Variants in ATCAY observed in about 807,000 individuals in gnomAD.
The protein encoded by ATCAY is caytaxin.
ATCAY carries 22 observed loss-of-function variants against 47.7 expected under a neutral mutation model. That is an observed-to-expected ratio of 0.46 (90% CI 0.33 to 0.66). The LOEUF (loss-of-function observed/expected upper bound fraction) is 0.66. Ranked by LOEUF, ATCAY falls within the 30% of genes least tolerant of loss-of-function variation. ATCAY has a pLI of 0.02. For missense variants in ATCAY, 452 were observed against 515.0 expected, an observed-to-expected ratio of 0.88 and a Z score of 1.18; for synonymous variants, 216 against 207.6, an observed-to-expected ratio of 1.04 and a Z score of -0.35.
chr19:3,913,671 C>A, intron 8 of ATCAY, 87 bp from the exon 9 acceptor site: 1 of 972,626 alleles, frequency 1.0e-6, no homozygotes, highest in Non-Finnish European at 1.6e-6. Context: ...CTGTGGGGAT[C>A]CCTGTCGCCA....
chr19:3,917,446 T>C (rs576120986), intron 9 of ATCAY, among the ~76,000 whole-genome samples: 2 of 151,252 alleles, frequency 1.3e-5, no homozygotes, highest in Admixed American at 1.3e-4. Flanking sequence ...TAGCTGGGCG[T>C]GGTAGCAGGT....
intron 3 of ATCAY, 147 bp downstream of exon 3, chr19:3,902,692 G>A: frequency 1.1e-6 from 1 of 884,362 alleles, no homozygotes; most frequent in African/African-American, 1.7e-5. Context: ...AAGTGGCCGT[G>A]GTGGGTGAGA....
intron 3 of ATCAY, among the ~76,000 whole-genome samples, chr19:3,902,906 T>G (rs115705467): frequency 0.022 from 3,312 of 152,258 alleles, 141 homozygotes; most frequent in African/African-American, 0.076. Flanking sequence ...AAGGGTGCAC[T>G]GGGAGGCTCT....
At chr19:3,894,638 A>C (rs1364720394) in intron 2 of ATCAY, among the ~76,000 whole-genome samples, 1 of 150,748 alleles carries the variant, frequency 6.6e-6, no homozygotes, top group Non-Finnish European at 1.5e-5. Context: ...AAAAAAAAAA[A>C]AAAAAAAACT....
chr19:3,923,828 G>A (rs1404114985), intron 12 of ATCAY, among the ~76,000 whole-genome samples: 2 of 135,984 alleles, frequency 1.5e-5, no homozygotes, highest in South Asian at 2.6e-4. Context: ...GAATGGATGG[G>A]TGGGTGGGTG....
rs1403885439 is a variant in ATCAY, at chr19:3,918,853, C to G, written c.1049C>G (p.Pro350Arg). The G allele has an allele frequency of 6.2e-7, 1 of 1,613,992 alleles. No individual in the cohort carries two copies. ...EFVLPRSEEK[P>R]EVAPVENRSA... is the part of the protein sequence containing the mutation. The stretch of plus-strand genomic sequence containing the variant: ...GTGCTGCCCAGGTCTGAAGAGAAGC[C>G]AGAGGTGGCACCAGTGGAAAACAGG... Residue 350 changes from proline to arginine, a missense_variant, in exon 11 of 13, where the codon CCA becomes CGA. By Grantham distance (103) the Pro-to-Arg change is moderately radical. Coordinates refer to ENST00000450849, the MANE Select transcript of ATCAY (RefSeq NM_033064.5).
Position 3,925,951 on chromosome 19 carries a change from G to A in ATCAY, c.*1359G>A, listed in dbSNP as rs1182006097. 2.0e-5 allele frequency: 3 copies of A among 152,126 alleles called. No homozygotes were observed. Among genetic ancestry groups the A allele is most frequent in the Non-Finnish European group, 4.4e-5 (3 of 68,084 alleles). 9.4% of individuals were successfully genotyped at this position (152,126 alleles called of 1,614,324 possible). A position where few individuals can be genotyped will look rare whatever the true frequency, so the allele number is the denominator to read the frequency against. On this transcript the variant is annotated 3_prime_UTR_variant, in exon 13 of 13. Transcript: ENST00000450849. The surrounding 1 kb of genome is among the most constrained non-coding windows in gnomAD (Gnocchi z 4.4). The stretch of plus-strand genomic sequence containing the variant: ...AAACCTGAGAGGCAGAGGTTACAGT[G>A]AGCCAAGATCGTGCCACTGCATTCC...
intron 8 of ATCAY, among the ~76,000 whole-genome samples, chr19:3,912,194 C>T (rs1418000185): frequency 2.6e-5 from 4 of 152,116 alleles, no homozygotes; most frequent in African/African-American, 9.7e-5. Flanking sequence ...CACTCTTCAC[C>T]GGTCGCCATG....
intron 1 of ATCAY, 141 bp from the exon 2 acceptor site, chr19:3,885,586 G>A (rs1283605679): frequency 1.8e-5 from 10 of 562,804 alleles, no homozygotes; most frequent in Middle Eastern, 4.7e-4. Flanking sequence ...AAGGAGAGAG[G>A]AGAGGAGAAA....
At chr19:3,881,353 C>A (rs996489901) in intron 1 of ATCAY, among the ~76,000 whole-genome samples, 7 of 144,366 alleles carry the variant, frequency 4.8e-5, no homozygotes, top group African/African-American at 1.8e-4. Context: ...CTATTTATAA[C>A]GCTAGGAAGG....
chr19:3,883,684 TTGCAG>T (rs2038622483), intron 1 of ATCAY, among the ~76,000 whole-genome samples: 2 of 152,140 alleles, frequency 1.3e-5, no homozygotes, highest in African/African-American at 4.8e-5. Flanking sequence ...AAGTGTCCCC[TTGCAG>T]CAGGGGAGGC....
chr19:3,924,677 A>C lies in ATCAY; in HGVS notation c.*85A>C. 2.3e-3 allele frequency: 3,190 copies of C among 1,385,990 alleles called. No individual in the cohort carries two copies. The highest frequency in any genetic ancestry group is 2.9e-3 in the Non-Finnish European group (2,912 of 988,438). 85.9% of individuals were successfully genotyped at this position (1,385,990 alleles called of 1,614,324 possible). A position where few individuals can be genotyped will look rare whatever the true frequency, so the allele number is the denominator to read the frequency against. On this transcript the variant is annotated 3_prime_UTR_variant, in exon 13 of 13. Coordinates refer to ENST00000450849, the MANE Select transcript of ATCAY (RefSeq NM_033064.5). Reference sequence around the variant, plus strand: ...CAGACGCCCACTGGCCCCAGATCTCATCCTGCCTCATCCTGAGTCCCAATC... The same window carrying C: ...CAGACGCCCACTGGCCCCAGATCTCCTCCTGCCTCATCCTGAGTCCCAATC...
intron 12 of ATCAY, among the ~76,000 whole-genome samples, chr19:3,921,271 G>A (rs2039016919): frequency 6.6e-6 from 1 of 152,078 alleles, no homozygotes; most frequent in Admixed American, 6.6e-5. Flanking sequence ...AGCACTTTGG[G>A]AGGCCGAGGC....
intron 8 of ATCAY, among the ~76,000 whole-genome samples, chr19:3,912,352 C>T (rs1027447942): frequency 1.3e-5 from 2 of 151,496 alleles, no homozygotes; most frequent in East Asian, 2.0e-4. Flanking sequence ...CTCACTCTGT[C>T]GCCCAGGCTG....
At position 3,920,894 on chromosome 19, in the gene ATCAY, C is replaced by T; in HGVS notation, c.1106+96C>T. Reference sequence around the variant, plus strand: ...TCTCTAGAAGGACAGAAAATCAAACCAGCTGCCAGCAAATATAAAGCAGGC... The same window carrying T: ...TCTCTAGAAGGACAGAAAATCAAACTAGCTGCCAGCAAATATAAAGCAGGC... On this transcript the variant is annotated intron_variant, in intron 12 of 12. Coordinates refer to ENST00000450849, the MANE Select transcript of ATCAY (RefSeq NM_033064.5). The T allele has an allele frequency of 6.3e-6, 9 of 1,426,268 alleles. No individual in the cohort carries two copies. The Middle Eastern group carries it at 1.1e-3, about 173-fold the overall frequency. The allele number at this position is 1,426,268 out of a possible 1,614,324, so 88.4% of individuals were successfully genotyped here.
chr19:3,921,528 A>G (rs894208119), intron 12 of ATCAY, among the ~76,000 whole-genome samples: 12 of 152,302 alleles, frequency 7.9e-5, no homozygotes, highest in African/African-American at 2.9e-4. Flanking sequence ...GGACTCACAG[A>G]GCTCAGCAAA....
At chr19:3,885,481 A>T (rs541554477) in intron 1 of ATCAY, among the ~76,000 whole-genome samples, 2 of 151,576 alleles carry the variant, frequency 1.3e-5, no homozygotes, top group African/African-American at 4.8e-5. Context: ...TTGAGCCTGG[A>T]AGGTGGATGT....
chr19:3,902,799 T>A (rs944444671), intron 3 of ATCAY, among the ~76,000 whole-genome samples: 1 of 152,080 alleles, frequency 6.6e-6, no homozygotes, highest in Non-Finnish European at 1.5e-5. Context: ...CAATGCCTCA[T>A]CTACTAAATG....
chr19:3,912,357 A>G (rs954166168), intron 8 of ATCAY, among the ~76,000 whole-genome samples: 2 of 151,436 alleles, frequency 1.3e-5, no homozygotes, highest in Non-Finnish European at 2.9e-5. Flanking sequence ...TCTGTCGCCC[A>G]GGCTGGAGTG....
Sources: allele counts gnomAD v4.1 joint callset (sites outside exome capture counted in the v4.1 genomes callset), GRCh38; gene constraint gnomAD v4.1.1; non-coding constraint Gnocchi (gnomAD v3.1); transcripts MANE v1.5; gene names NCBI Gene and HGNC (gene_info 2026-07-23, HGNC 2026-07-21).